Variants in ST8SIA1 observed in about 807,000 individuals in gnomAD.
ST8SIA1 encodes alpha-N-acetylneuraminide alpha-2,8-sialyltransferase.
In ST8SIA1, 16 loss-of-function variants were observed where a neutral mutation model predicts 35.9. That is an observed-to-expected ratio of 0.45 (90% confidence interval 0.30 to 0.68). ST8SIA1 has a LOEUF of 0.68. Ranked by LOEUF, ST8SIA1 falls within the 30% of genes least tolerant of loss-of-function variation. The pLI, the probability that ST8SIA1 is intolerant of heterozygous loss-of-function variation, is 0.09. For missense variants in ST8SIA1, 383 were observed against 453.6 expected (o/e 0.84, Z 1.41); for synonymous variants, 170 against 169.6 (o/e 1.00, Z -0.02).
chr12:22,284,168 C>T (rs1379654915), intron 2 of ST8SIA1, among the ~76,000 whole-genome samples: 2 of 141,788 alleles, frequency 1.4e-5, no homozygotes, highest in East Asian at 4.1e-4. Context: ...ATCTTTGTAC[C>T]AACGACAAAA....
chr12:22,223,685 G>C, intron 4 of ST8SIA1: 2 of 1,213,676 alleles, frequency 1.6e-6, no homozygotes, highest in South Asian at 1.5e-5. Context: ...TTGATTGCTG[G>C]AGACGTTCTG....
At chr12:22,286,576 A>C (rs779444508) in intron 2 of ST8SIA1, 1 of 494,218 alleles carries the variant, frequency 2.0e-6, no homozygotes, top group South Asian at 1.5e-5. Flanking sequence ...CATGTATATT[A>C]GAAAAACATT....
intron 4 of ST8SIA1, among the ~76,000 whole-genome samples, chr12:22,216,736 T>G (rs1865237388): frequency 6.6e-6 from 1 of 152,242 alleles, no homozygotes. Flanking sequence ...TAATGCAGTA[T>G]CTAATAAATA....
At chr12:22,326,273 T>C (rs1866679410) in intron 1 of ST8SIA1, 1 of 176,926 alleles carries the variant, frequency 5.7e-6, no homozygotes, top group South Asian at 1.6e-4. Flanking sequence ...AATCAGTTGA[T>C]TTATTGCTGG....
chr12:22,242,012 A>T (rs1865546695), intron 4 of ST8SIA1, among the ~76,000 whole-genome samples: 1 of 152,144 alleles, frequency 6.6e-6, no homozygotes, highest in African/African-American at 2.4e-5. Flanking sequence ...TCTATTTCAT[A>T]AAAGAAAGTC....
chr12:22,329,936 T>C (rs1382285429), intron 1 of ST8SIA1, among the ~76,000 whole-genome samples: 2 of 152,206 alleles, frequency 1.3e-5, no homozygotes, highest in African/African-American at 2.4e-5. Flanking sequence ...CCAGTACCAT[T>C]AGATCCTTGA....
chr12:22,214,802 A>C (rs1000961177), intron 4 of ST8SIA1, among the ~76,000 whole-genome samples: 2 of 152,218 alleles, frequency 1.3e-5, no homozygotes, highest in Non-Finnish European at 2.9e-5. Context: ...TGCTTAATGC[A>C]TGTCATGTCA....
intron 4 of ST8SIA1, among the ~76,000 whole-genome samples, chr12:22,227,454 A>T (rs1436675288): frequency 6.6e-6 from 1 of 151,506 alleles, no homozygotes; most frequent in Non-Finnish European, 1.5e-5. Context: ...GGCGCCTGTA[A>T]TCCCAGCTAC....
intron 3 of ST8SIA1, among the ~76,000 whole-genome samples, chr12:22,254,699 G>A (rs1045699933): frequency 3.9e-5 from 6 of 152,076 alleles, no homozygotes; most frequent in Non-Finnish European, 7.4e-5. Flanking sequence ...TCATGCTCCC[G>A]CAGGGGCCTC....
chr12:22,320,414 G>C (rs1266393192), intron 1 of ST8SIA1, among the ~76,000 whole-genome samples: 4 of 152,182 alleles, frequency 2.6e-5, no homozygotes, highest in Non-Finnish European at 1.5e-5. Flanking sequence ...ATTTATACTA[G>C]GGAAGGAGCT....
rs189315954 is a variant in ST8SIA1, at chr12:22,328,054, C to A, written c.236+5943G>T. On this transcript the variant is annotated intron_variant, in intron 1 of 4. Coordinates refer to ENST00000396037, the MANE Select transcript of ST8SIA1 (RefSeq NM_003034.4). ...ATATTTGGTTGTCTCATTTAGTGGA[C>A]AGAGGCCAGGGATGCTGCTGAACAT... is the stretch of plus-strand genomic sequence containing the variant. Among the ~76,000 whole-genome samples, 312 of 152,334 alleles carry A rather than the reference C, an allele frequency of 2.0e-3. 2 individuals carry two copies. The highest frequency in any genetic ancestry group is 7.4e-3 in the African/African-American group (308 of 41,574).
intron 1 of ST8SIA1, among the ~76,000 whole-genome samples, chr12:22,297,998 G>T (rs1866268055): frequency 1.3e-5 from 2 of 152,038 alleles, no homozygotes; most frequent in South Asian, 4.1e-4. Context: ...AGTGGCTAAT[G>T]GTTTAATCAA....
intron 1 of ST8SIA1, among the ~76,000 whole-genome samples, chr12:22,321,020 A>AAAG (rs1866591537): frequency 1.3e-5 from 1 of 79,990 alleles, no homozygotes; most frequent in Non-Finnish European, 2.6e-5. Flanking sequence ...GAAAGAAAGA[A>AAAG]AGAAAGAAAG....
intron 2 of ST8SIA1, among the ~76,000 whole-genome samples, chr12:22,276,522 C>A (rs1333629937): frequency 6.6e-6 from 1 of 152,174 alleles, no homozygotes; most frequent in African/African-American, 2.4e-5. Context: ...CTGGGGGAGG[C>A]AGTCATGGAA....
rs1044068156 is a variant in ST8SIA1 at position 22,198,805 on chromosome 12, T to C, written c.*2747A>G. ...ACTACTGACATCTCAGCCTGGATAATTATTTTGCTGTGAGAGGCTGACTTG... is the reference window on the plus strand; with the variant it reads ...ACTACTGACATCTCAGCCTGGATAACTATTTTGCTGTGAGAGGCTGACTTG... On this transcript the variant is annotated 3_prime_UTR_variant, in exon 5 of 5. Transcript: ENST00000396037. The C allele has an allele frequency of 2.0e-5, 3 of 152,202 alleles. No homozygotes were observed. Among genetic ancestry groups the C allele is most frequent in the Non-Finnish European group, 4.4e-5 (3 of 68,040 alleles). The allele number at this position is 152,202 out of a possible 1,614,324, so 9.4% of individuals were successfully genotyped here.
At chr12:22,252,327 G>A (rs1019300821) in intron 3 of ST8SIA1, among the ~76,000 whole-genome samples, 56 of 151,938 alleles carry the variant, frequency 3.7e-4, no homozygotes, top group African/African-American at 1.3e-3. Flanking sequence ...TCTAATCTAC[G>A]TTTATTCATT....
rs1866451331 is a variant in ST8SIA1, at chr12:22,311,721, C to T, written c.236+22276G>A. 2.0e-5 allele frequency among the ~76,000 whole-genome samples: 3 copies of T among 152,092 alleles called. No individual in the cohort carries two copies. In the South Asian group the frequency reaches 6.2e-4, roughly 32 times the overall value. ...TTGGCAATTCTCTAGCCCATTAAAT[C>T]CTAAATTTGGGAAACTGTGCATGAT... On this transcript the variant is annotated intron_variant, in intron 1 of 4. Transcript: ENST00000396037.
intron 2 of ST8SIA1, among the ~76,000 whole-genome samples, chr12:22,264,245 T>C (rs1272224899): frequency 1.3e-5 from 2 of 152,130 alleles, no homozygotes; most frequent in Non-Finnish European, 2.9e-5. Context: ...TTAACATATT[T>C]AATTGCACTG....
At position 22,196,601 on chromosome 12, in the gene ST8SIA1, G is replaced by A. The variant is rs1034598622; in HGVS notation, c.*4951C>T. On this transcript the variant is annotated 3_prime_UTR_variant, in exon 5 of 5. Coordinates refer to ENST00000396037, the MANE Select transcript of ST8SIA1 (RefSeq NM_003034.4). ...AGACGCTCTGGGCTTCAGACTTCCT[G>A]TGAGTTAGTCTCTAGGACTTTTAAA... 1 of 152,176 alleles carries A rather than the reference G, an allele frequency of 6.6e-6. No homozygotes were observed. Among genetic ancestry groups the A allele is most frequent in the Non-Finnish European group, 1.5e-5 (1 of 68,024 alleles). The allele number at this position is 152,176 out of a possible 1,614,324, so 9.4% of individuals were successfully genotyped here. A position where few individuals can be genotyped will look rare whatever the true frequency, so the allele number is the denominator to read the frequency against.
Sources: gnomAD v4.1 joint callset for allele counts (sites outside exome capture counted in the v4.1 genomes callset) on GRCh38, gnomAD v4.1.1 for gene constraint, MANE v1.5 for transcripts, NCBI Gene and HGNC (gene_info 2026-07-23, HGNC 2026-07-21) for gene names.